ERBB4: variants seen among roughly 807,000 people sequenced by gnomAD.
ERBB4 encodes the protein erb-b2 receptor tyrosine kinase 4.
In ERBB4, 42 loss-of-function variants were observed where a neutral mutation model predicts 158.0. The ratio of observed to expected loss-of-function variants is 0.27; its 90% CI spans 0.21 to 0.34. ERBB4 has a LOEUF of 0.34. Ranked by LOEUF, ERBB4 falls within the 10% of genes least tolerant of loss-of-function variation. The pLI is 1.00. For synonymous variants in ERBB4, 583 were observed against 558.7 expected (o/e 1.04, Z -0.61); for missense variants, 1,333 against 1,624.1 (o/e 0.82, Z 3.08).
At chr2:211,717,716 G>A (rs2073965775) in intron 7 of ERBB4, among the ~76,000 whole-genome samples, 1 of 151,912 alleles carries the variant, frequency 6.6e-6, no homozygotes, top group African/African-American at 2.4e-5. Context: ...TAATCCCAGC[G>A]ACTCAGGAGC....
intron 1 of ERBB4, among the ~76,000 whole-genome samples, chr2:212,274,425 A>C (rs2085452353): frequency 2.6e-5 from 4 of 151,852 alleles, no homozygotes; most frequent in Non-Finnish European, 5.9e-5. Flanking sequence ...TTATTGGGAG[A>C]TGAACTGCTC....
chr2:211,429,337 C>T (rs1275119453), intron 21 of ERBB4, among the ~76,000 whole-genome samples: 2 of 152,090 alleles, frequency 1.3e-5, no homozygotes, highest in African/African-American at 4.8e-5. Flanking sequence ...CGCCTAAAAT[C>T]ATGAATTCCA....
intron 19 of ERBB4, among the ~76,000 whole-genome samples, chr2:211,573,169 T>C (rs932776237): frequency 6.6e-6 from 1 of 152,000 alleles, no homozygotes; most frequent in Non-Finnish European, 1.5e-5. Context: ...AAAGGCAATG[T>C]GAAGAAGGAG....
At chr2:212,237,208 T>C (rs1209602348) in intron 1 of ERBB4, among the ~76,000 whole-genome samples, 1 of 152,200 alleles carries the variant, frequency 6.6e-6, no homozygotes, top group Non-Finnish European at 1.5e-5. Context: ...CTCATCTTCG[T>C]GGATTTATCT....
At chr2:211,836,478 G>C (rs542889270) in intron 3 of ERBB4, among the ~76,000 whole-genome samples, 14 of 152,106 alleles carry the variant, frequency 9.2e-5, no homozygotes, top group South Asian at 2.1e-4. Flanking sequence ...AGAGATTTAG[G>C]CATCCAAAAT....
chr2:211,724,510 T>C lies in ERBB4; in HGVS notation c.741+566A>G, dbSNP rs10167541. On this transcript the variant is annotated intron_variant, in intron 6 of 27. Transcript: ENST00000342788. ...GTGTTCTCGGTATATGAAATTGAGT[T>C]AAATACAACTCAAAATTGCTGACAT... is the stretch of plus-strand genomic sequence containing the variant. Among the ~76,000 whole-genome samples the C allele has an allele frequency of 2.1e-3, 325 of 152,192 alleles. 1 individual carries two copies. The highest frequency in any genetic ancestry group is 7.6e-3 in the African/African-American group (314 of 41,546).
chr2:211,642,794 T>A lies in ERBB4; in HGVS notation c.1947-12200A>T, dbSNP rs558339181. ...TTAAATCAACCCTTGAAAGCACATA[T>A]ATCCAACAACAATCTCAGAGCTCCC... On this transcript the variant is annotated intron_variant, in intron 16 of 27. Coordinates refer to ENST00000342788, the MANE Select transcript of ERBB4 (RefSeq NM_005235.3). 1.8e-4 allele frequency among the ~76,000 whole-genome samples: 27 copies of A among 152,206 alleles called. No homozygotes were observed. The Middle Eastern group carries it at 0.01, about 58-fold the overall frequency.
At chr2:211,584,819 T>C (rs2125779322) in intron 19 of ERBB4, among the ~76,000 whole-genome samples, 1 of 152,022 alleles carries the variant, frequency 6.6e-6, no homozygotes, top group Admixed American at 6.6e-5. Context: ...ACAAAATATA[T>C]ACCATGAAAT....
chr2:212,056,370 G>A (rs905854480), intron 2 of ERBB4, among the ~76,000 whole-genome samples: 1 of 152,196 alleles, frequency 6.6e-6, no homozygotes, highest in African/African-American at 2.4e-5. Flanking sequence ...TATTATCCAG[G>A]AGAACTTCCC....
At chr2:211,744,025 G>T (rs560637426) in intron 5 of ERBB4, among the ~76,000 whole-genome samples, 8 of 152,174 alleles carry the variant, frequency 5.3e-5, no homozygotes, top group Admixed American at 5.2e-4. Flanking sequence ...GGGAACACTT[G>T]GTTAGATTTT....
intron 2 of ERBB4, among the ~76,000 whole-genome samples, chr2:212,021,495 T>C (rs2076648372): frequency 6.6e-6 from 1 of 152,180 alleles, no homozygotes; most frequent in Admixed American, 6.6e-5. Flanking sequence ...TAACAAATGG[T>C]GCTGGGAGAA....
At chr2:211,515,896 T>TTA (rs1206265176) in intron 20 of ERBB4, among the ~76,000 whole-genome samples, 1,144 of 88,894 alleles carry the variant, frequency 0.013, 59 homozygotes, top group Middle Eastern at 0.017. Flanking sequence ...AAAACATATA[T>TTA]TATATATATA....
intron 1 of ERBB4, among the ~76,000 whole-genome samples, chr2:212,461,670 G>A (rs192807029): frequency 6.6e-6 from 1 of 152,240 alleles, no homozygotes; most frequent in Admixed American, 6.5e-5. Flanking sequence ...GGCATAATTG[G>A]TTCCAAAATG....
At chr2:212,173,987 T>C (rs2081590404) in intron 1 of ERBB4, among the ~76,000 whole-genome samples, 1 of 152,158 alleles carries the variant, frequency 6.6e-6, no homozygotes, top group African/African-American at 2.4e-5. Context: ...TGAGTCTGAC[T>C]GTATAAACAC....
At chr2:212,412,465 C>A (rs906684577) in intron 1 of ERBB4, among the ~76,000 whole-genome samples, 1 of 152,168 alleles carries the variant, frequency 6.6e-6, no homozygotes, top group Admixed American at 6.5e-5. Context: ...GGCCATATGA[C>A]GTGCCTATTC....
At chr2:212,264,191 T>A (rs1046096380) in intron 1 of ERBB4, among the ~76,000 whole-genome samples, 1 of 152,146 alleles carries the variant, frequency 6.6e-6, no homozygotes, top group Non-Finnish European at 1.5e-5. Flanking sequence ...AATATTTGCA[T>A]TCCTGTTAGC....
chr2:211,379,894 A>T lies in ERBB4; in HGVS notation c.*3721T>A. The T allele has an allele frequency of 8.6e-6, 2 of 232,084 alleles. No individual in the cohort carries two copies. The highest frequency in any genetic ancestry group is 1.7e-5 in the Non-Finnish European group (2 of 117,376). 14.4% of individuals were successfully genotyped at this position (232,084 alleles called of 1,614,324 possible). On this transcript the variant is annotated 3_prime_UTR_variant, in exon 28 of 28. Coordinates refer to ENST00000342788, the MANE Select transcript of ERBB4 (RefSeq NM_005235.3). ...TTTCATTTTTGATACTTCAAGAAGC[A>T]CATTAATAGTCCTTCCAACTTCATC... is the stretch of plus-strand genomic sequence containing the variant.
At chr2:212,520,121 C>T (rs1692073348) in intron 1 of ERBB4, among the ~76,000 whole-genome samples, 1 of 151,830 alleles carries the variant, frequency 6.6e-6, no homozygotes, top group Admixed American at 6.6e-5. Flanking sequence ...ACATATTTGT[C>T]TTAAAATATG....
chr2:211,932,841 G>A (rs187882138), intron 3 of ERBB4, among the ~76,000 whole-genome samples: 33 of 151,870 alleles, frequency 2.2e-4, no homozygotes, highest in Non-Finnish European at 3.7e-4. Context: ...AATTATATTA[G>A]ACATTAAAAT....
Sources: gnomAD v4.1 joint callset for allele counts (sites outside exome capture counted in the v4.1 genomes callset) on GRCh38, gnomAD v4.1.1 for gene constraint, MANE v1.5 for transcripts, NCBI Gene and HGNC (gene_info 2026-07-23, HGNC 2026-07-21) for gene names.